The following WARS2 variants were observed in gnomAD, a reference collection of about 807,000 sequenced individuals.
The protein encoded by WARS2 is tryptophanyl tRNA synthetase 2, mitochondrial.
In WARS2, 28 loss-of-function variants were observed where a neutral mutation model predicts 36.5. The observed-to-expected ratio is 0.77, with a 90% CI of 0.57 to 1.05. WARS2 has a LOEUF of 1.05. Among genes scored for constraint, WARS2 ranks in the 50% least tolerant of loss-of-function variants. The pLI, the probability that WARS2 is intolerant of heterozygous loss-of-function variation, is 0.00. For missense variants in WARS2, 435 were observed against 456.8 expected (o/e 0.95, Z 0.44); for synonymous variants, 174 against 178.4 (o/e 0.98, Z 0.20).
intron 1 of WARS2, chr1:119,085,392 T>C: frequency 7.1e-7 from 1 of 1,405,798 alleles, no homozygotes; most frequent in South Asian, 1.2e-5. Flanking sequence ...CTTTACTGTC[T>C]TGCTTCTGGG....
intron 1 of WARS2, among the ~76,000 whole-genome samples, chr1:119,081,099 A>G (rs932164226): frequency 1.3e-5 from 2 of 152,246 alleles, no homozygotes; most frequent in Non-Finnish European, 2.9e-5. Context: ...AGGATTTGAC[A>G]TATACTAGAA....
chr1:119,043,705 C>G (rs568371811), intron 3 of WARS2, among the ~76,000 whole-genome samples: 3 of 152,026 alleles, frequency 2.0e-5, no homozygotes, highest in African/African-American at 7.2e-5. Context: ...GAAGAAGAAC[C>G]CAATTTTTAA....
At chr1:119,065,466 T>C (rs1318231159) in intron 2 of WARS2, among the ~76,000 whole-genome samples, 1 of 151,668 alleles carries the variant, frequency 6.6e-6, no homozygotes, top group Non-Finnish European at 1.5e-5. Flanking sequence ...ACCCCGTCTC[T>C]ACTAGATAAG....
intron 1 of WARS2, among the ~76,000 whole-genome samples, chr1:119,136,126 C>CTGTG (rs144134831): frequency 6.7e-5 from 10 of 149,120 alleles, no homozygotes; most frequent in Admixed American, 4.7e-4. Context: ...ATATATTTGT[C>CTGTG]TGTGTGTGTG....
At chr1:119,140,414 G>T in intron 1 of WARS2, 141 bp downstream of exon 1, 1 of 692,876 alleles carries the variant, frequency 1.4e-6, no homozygotes, top group Non-Finnish European at 2.4e-6. Flanking sequence ...CAGGCCGACA[G>T]TCATAGACGA....
intron 1 of WARS2, among the ~76,000 whole-genome samples, chr1:119,106,175 C>T (rs1015228427): frequency 2.0e-5 from 3 of 152,024 alleles, no homozygotes; most frequent in African/African-American, 4.8e-5. Context: ...TTTTTAGAGA[C>T]GTTTTAGGTT....
intron 1 of WARS2, 113 bp from the exon 2 acceptor site, chr1:119,076,720 C>G (rs1223676119): frequency 1.0e-5 from 15 of 1,430,238 alleles, no homozygotes; most frequent in Non-Finnish European, 1.4e-5. Context: ...TACAATCTGA[C>G]AGTCATCATC....
chr1:119,083,289 AC>A (rs1160170135), intron 1 of WARS2, among the ~76,000 whole-genome samples: 1 of 152,044 alleles, frequency 6.6e-6, no homozygotes, highest in Admixed American at 6.5e-5. Flanking sequence ...TTGTCCTTCC[AC>A]CCCCTCTACC....
intron 2 of WARS2, among the ~76,000 whole-genome samples, chr1:119,072,410 C>T (rs1200570026): frequency 1.3e-5 from 2 of 151,946 alleles, no homozygotes; most frequent in Non-Finnish European, 2.9e-5. Flanking sequence ...GAGAAAGCAA[C>T]TAAAAAACTA....
At chr1:119,122,920 AAAGT>A (rs1318528150) in intron 1 of WARS2, among the ~76,000 whole-genome samples, 2 of 152,200 alleles carry the variant, frequency 1.3e-5, no homozygotes, top group African/African-American at 4.8e-5. Context: ...AAAAAAAAGA[AAAGT>A]AAGAGAAATT....
At chr1:119,057,445 C>A (rs1021018351) in intron 2 of WARS2, among the ~76,000 whole-genome samples, 3 of 151,860 alleles carry the variant, frequency 2.0e-5, no homozygotes, top group African/African-American at 7.3e-5. Flanking sequence ...CGCCTGGCCC[C>A]ATTTGTTACC....
chr1:119,082,657 C>G (rs1051975828), intron 1 of WARS2: 1 of 154,984 alleles, frequency 6.5e-6, no homozygotes, highest in African/African-American at 2.4e-5. Flanking sequence ...ACCCCTCTCC[C>G]CAACACACTT....
At chr1:119,086,961 C>T (rs908786174) in intron 1 of WARS2, among the ~76,000 whole-genome samples, 1 of 152,084 alleles carries the variant, frequency 6.6e-6, no homozygotes, top group Non-Finnish European at 1.5e-5. Flanking sequence ...GGGAACTCTC[C>T]TTGGTCATTA....
At chr1:119,116,765 G>A (rs188874949) in intron 1 of WARS2, among the ~76,000 whole-genome samples, 187 of 152,312 alleles carry the variant, frequency 1.2e-3, no homozygotes, top group Non-Finnish European at 2.5e-3. Flanking sequence ...CATTCCTCGC[G>A]TTATCTCACA....
At chr1:119,092,646 C>T (rs1195376098) in intron 1 of WARS2, among the ~76,000 whole-genome samples, 1 of 152,184 alleles carries the variant, frequency 6.6e-6, no homozygotes, top group African/African-American at 2.4e-5. Flanking sequence ...TCTGTTGGTT[C>T]AAATCCTGCC....
intron 1 of WARS2, among the ~76,000 whole-genome samples, chr1:119,129,015 G>GA (rs1409505044): frequency 1.3e-5 from 2 of 152,180 alleles, no homozygotes; most frequent in African/African-American, 2.4e-5. Context: ...TGTGGATGCT[G>GA]AAACACTGAA....
At chr1:119,078,640 C>T (rs1471456172) in intron 1 of WARS2, among the ~76,000 whole-genome samples, 1 of 151,994 alleles carries the variant, frequency 6.6e-6, no homozygotes, top group Non-Finnish European at 1.5e-5. Flanking sequence ...TATGAAGAGC[C>T]TATTTAAATT....
intron 2 of WARS2, among the ~76,000 whole-genome samples, chr1:119,068,111 T>C (rs1312700555): frequency 1.3e-5 from 2 of 152,238 alleles, no homozygotes; most frequent in Non-Finnish European, 2.9e-5. Context: ...TTTACAAATA[T>C]ATTCTCCAAG....
chr1:119,076,745 T>A (rs1651770300), intron 1 of WARS2, 138 bp from the exon 2 acceptor site: 1 of 1,312,574 alleles, frequency 7.6e-7, no homozygotes, highest in Non-Finnish European at 1.0e-6. Flanking sequence ...ATTTATTTTG[T>A]GCCTACACTG....
Sources: allele counts gnomAD v4.1 joint callset (sites outside exome capture counted in the v4.1 genomes callset), GRCh38; gene constraint gnomAD v4.1.1; transcripts MANE v1.5; gene names NCBI Gene and HGNC (gene_info 2026-07-23, HGNC 2026-07-21).